The following ZSWIM2 variants were observed in gnomAD, a reference collection of about 807,000 sequenced individuals.
The protein encoded by ZSWIM2 is E3 ubiquitin-protein ligase ZSWIM2.
ZSWIM2 carries 38 observed loss-of-function variants against 48.4 expected under a neutral mutation model. That is an observed-to-expected ratio of 0.79 (90% confidence interval 0.61 to 1.03). The LOEUF is 1.03. ZSWIM2 is among the 50% of genes least tolerant of loss of function. The pLI, the probability that ZSWIM2 is intolerant of heterozygous loss-of-function variation, is 0.00. For missense variants in ZSWIM2, 776 were observed against 730.2 expected, an observed-to-expected ratio of 1.06 and a Z score of -0.72; for synonymous variants, 240 against 251.3, an observed-to-expected ratio of 0.96 and a Z score of 0.42.
chr2:186,846,230 G>T (rs141140479), intron 2 of ZSWIM2, among the ~76,000 whole-genome samples: 1 of 151,722 alleles, frequency 6.6e-6, no homozygotes, highest in Non-Finnish European at 1.5e-5. Flanking sequence ...TGCAAACTAC[G>T]TATTTGACAA....
At chr2:186,831,776 C>CA (rs1691704238) in intron 7 of ZSWIM2, among the ~76,000 whole-genome samples, 1 of 150,170 alleles carries the variant, frequency 6.7e-6, no homozygotes, top group Admixed American at 6.7e-5. Flanking sequence ...ATCGCAAGGA[C>CA]AAAAAACCAA....
At position 186,828,641 on chromosome 2, in the gene ZSWIM2, A is replaced by T. The variant is rs775489959; in HGVS notation, c.1245T>A (p.His415Gln). 1.9e-6 allele frequency: 3 copies of T among 1,612,924 alleles called. No individual in the cohort carries two copies. Among genetic ancestry groups the T allele is most frequent in the Non-Finnish European group, 2.5e-6 (3 of 1,179,608 alleles). Reference sequence around the variant, plus strand: ...GATCTGGTTCTTTCTGCTTTGATAGATGAATGATGTCTCTGTTTGAAACAG... The same window carrying T: ...GATCTGGTTCTTTCTGCTTTGATAGTTGAATGATGTCTCTGTTTGAAACAG... ...HQSVSNRDII[H>Q]LSKQKEPDLF... Residue 415 changes from histidine (H) to glutamine (Q), a missense_variant, in exon 9 of 9, where the codon CAT becomes CAA. By Grantham distance (24) the His-to-Gln change is conservative (BLOSUM62 0). Coordinates refer to ENST00000295131, the MANE Select transcript of ZSWIM2 (RefSeq NM_182521.3).
At chr2:186,844,842 T>C in intron 2 of ZSWIM2, 85 bp from the exon 3 acceptor site, 2 of 1,176,844 alleles carry the variant, frequency 1.7e-6, no homozygotes, top group South Asian at 1.6e-5. Context: ...AGAATAGAAA[T>C]TGAATTATAA....
At chr2:186,838,600 G>A (rs550818855) in intron 4 of ZSWIM2, among the ~76,000 whole-genome samples, 1 of 149,142 alleles carries the variant, frequency 6.7e-6, no homozygotes, top group South Asian at 2.1e-4. Context: ...TTTTACCCTT[G>A]TAGTGTAGCT....
chr2:186,837,629 T>TACAA, intron 4 of ZSWIM2, 75 bp from the exon 5 acceptor site: 1 of 359,362 alleles, frequency 2.8e-6, no homozygotes, highest in Non-Finnish European at 4.0e-6. Context: ...TATATATATA[T>TACAA]TATATATATA....
Position 186,828,190 on chromosome 2 carries a change from CCT to C in ZSWIM2, c.1694_1695del (p.Glu565GlyfsTer22). ...LKKTPATKIREDNKRSTLLPE... is the reference protein window; with the variant it reads ...LKKTPATKIRXDNKRSTLLPE... ...GGAAGTAAAGTTGATCTCTTGTTGT[CCT>C]CTCTTATTTTAGTGGCAGGAGTCTT... is the stretch of plus-strand genomic sequence containing the variant. On this transcript the variant is annotated frameshift_variant, in exon 9 of 9. Coordinates refer to ENST00000295131, the MANE Select transcript of ZSWIM2 (RefSeq NM_182521.3). LOFTEE classifies it low-confidence loss of function (END_TRUNC). 6.2e-7 allele frequency: 1 copy of C among 1,613,528 alleles called. No homozygotes were observed. The highest frequency in any genetic ancestry group is 8.5e-7 in the Non-Finnish European group (1 of 1,179,732).
intron 7 of ZSWIM2, among the ~76,000 whole-genome samples, chr2:186,830,317 G>C (rs1691675691): frequency 6.6e-6 from 1 of 152,178 alleles, no homozygotes; most frequent in Non-Finnish European, 1.5e-5. Context: ...AGGAGGTGGA[G>C]GTTGCAGTGA....
At chr2:186,832,616 C>A (rs563462500) in intron 7 of ZSWIM2, among the ~76,000 whole-genome samples, 95 of 152,192 alleles carry the variant, frequency 6.2e-4, no homozygotes, top group Middle Eastern at 3.4e-3. Context: ...ATTTCAAATG[C>A]AAATTTCAAA....
At chr2:186,838,771 ATATATT>A (rs1206829772) in intron 4 of ZSWIM2, among the ~76,000 whole-genome samples, 182 bp downstream of exon 4, 1 of 145,276 alleles carries the variant, frequency 6.9e-6, no homozygotes, top group Non-Finnish European at 1.5e-5. Context: ...ATATATTATA[ATATATT>A]TATATTATAT....
intron 3 of ZSWIM2, among the ~76,000 whole-genome samples, chr2:186,843,040 G>A (rs541182945): frequency 2.4e-4 from 36 of 151,574 alleles, no homozygotes; most frequent in African/African-American, 5.3e-4. Context: ...TTGATTACAC[G>A]TTGACACAAT....
chr2:186,832,049 T>C (rs1028012721), intron 7 of ZSWIM2, among the ~76,000 whole-genome samples: 25 of 152,184 alleles, frequency 1.6e-4, no homozygotes, highest in African/African-American at 6.0e-4. Context: ...GTCTCTTTTC[T>C]ATGTGTTTCA....
intron 2 of ZSWIM2, among the ~76,000 whole-genome samples, chr2:186,845,441 G>A (rs920246522): frequency 6.6e-6 from 1 of 150,922 alleles, no homozygotes; most frequent in African/African-American, 2.4e-5. Flanking sequence ...AGTTGTGAAA[G>A]GACCATATTT....
intron 7 of ZSWIM2, among the ~76,000 whole-genome samples, chr2:186,830,613 T>C (rs1208843020): frequency 6.6e-6 from 1 of 151,994 alleles, no homozygotes; most frequent in Non-Finnish European, 1.5e-5. Context: ...CAGGCTACTA[T>C]GATAAATTGG....
chr2:186,839,475 G>A, intron 3 of ZSWIM2, among the ~76,000 whole-genome samples: 1 of 151,594 alleles, frequency 6.6e-6, no homozygotes, highest in Middle Eastern at 3.4e-3. Context: ...CTTATACTTC[G>A]ACCTGTTCAC....
At position 186,839,137 on chromosome 2, in the gene ZSWIM2, T is replaced by C. The variant is rs188380671; in HGVS notation, c.316A>G (p.Ile106Val). The C allele has an allele frequency of 6.2e-7, 1 of 1,611,518 alleles. No individual in the cohort carries two copies. Among genetic ancestry groups the C allele is most frequent in the East Asian group, 2.2e-5 (1 of 44,804 alleles). Reference sequence around the variant, plus strand: ...TGTATCCCCCGAAGCAAGTCACTTATCTCTCTTTCTCCAAGACCCAGTTGT... The same window carrying C: ...TGTATCCCCCGAAGCAAGTCACTTACCTCTCTTTCTCCAAGACCCAGTTGT... The part of the protein sequence containing the change: ...ALQLGLGERE[I>V]SDLLRGIHRV... The change falls in exon 4 of 9, where the codon ATA (isoleucine) becomes GTA (valine). Residue 106 changes from isoleucine (I) to valine (V), a missense_variant. Coordinates refer to ENST00000295131, the MANE Select transcript of ZSWIM2 (RefSeq NM_182521.3).
intron 3 of ZSWIM2, among the ~76,000 whole-genome samples, chr2:186,843,934 G>A (rs908093706): frequency 2.6e-5 from 4 of 151,688 alleles, no homozygotes; most frequent in African/African-American, 7.2e-5. Flanking sequence ...ATAATAGCTA[G>A]GGGGAAATAA....
Position 186,827,938 on chromosome 2 carries a change from ATTTTTT to A in ZSWIM2, c.*40_*45del. 7.0e-7 allele frequency: 1 copy of A among 1,425,562 alleles called. No homozygotes were observed. Among genetic ancestry groups the A allele is most frequent in the Non-Finnish European group, 9.3e-7 (1 of 1,070,734 alleles). The allele number at this position is 1,425,562 out of a possible 1,614,324, so 88.3% of individuals were successfully genotyped here. On this transcript the variant is annotated 3_prime_UTR_variant, in exon 9 of 9. Coordinates refer to ENST00000295131, the MANE Select transcript of ZSWIM2 (RefSeq NM_182521.3). ...GTGCTTTTTATGTTCTATATAAAAC[ATTTTTT>A]TATATTCAACATTCAAATATTTTCA...
At position 186,827,992 on chromosome 2, in the gene ZSWIM2, GA is replaced by G. The variant is rs1691626460; in HGVS notation, c.1893del (p.Gln632AsnfsTer14). 1 of 1,562,094 alleles carries G rather than the reference GA, an allele frequency of 6.4e-7. No individual in the cohort carries two copies. Among genetic ancestry groups the G allele is most frequent in the South Asian group, 1.2e-5 (1 of 82,356 alleles). On this transcript the variant is annotated frameshift_variant, in exon 9 of 9. Coordinates refer to ENST00000295131, the MANE Select transcript of ZSWIM2 (RefSeq NM_182521.3). LOFTEE classifies it high-confidence loss of function. The stretch of plus-strand genomic sequence containing the variant: ...TCAGATAGTAAACTTTTTCACAATT[GA>G]ACTCCTTCTATTATTAAAGATAGCT... ...STELSLIIEG[V>X]QL
intron 7 of ZSWIM2, among the ~76,000 whole-genome samples, chr2:186,832,392 G>A (rs1691716949): frequency 6.6e-6 from 1 of 152,156 alleles, no homozygotes; most frequent in South Asian, 2.1e-4. Context: ...AAAGTGCTAG[G>A]ATTACAGGCG....
Sources: allele counts gnomAD v4.1 joint callset (sites outside exome capture counted in the v4.1 genomes callset), GRCh38; gene constraint gnomAD v4.1.1; transcripts MANE v1.5; gene names NCBI Gene and HGNC (gene_info 2026-07-23, HGNC 2026-07-21).